DTNBP1: variants seen among roughly 807,000 people sequenced by gnomAD.
DTNBP1 encodes the protein dysbindin.
DTNBP1 carries 35 observed loss-of-function variants against 42.8 expected under a neutral mutation model. That is an observed-to-expected ratio of 0.82 (90% confidence interval 0.63 to 1.09). The LOEUF is 1.09. Ranked by LOEUF, DTNBP1 falls within the 50% of genes least tolerant of loss-of-function variation. The pLI, the probability that DTNBP1 is intolerant of heterozygous loss-of-function variation, is 0.00. For missense variants in DTNBP1, 457 were observed against 424.2 expected, an observed-to-expected ratio of 1.08 and a Z score of -0.68; for synonymous variants, 171 against 162.2, an observed-to-expected ratio of 1.05 and a Z score of -0.41.
In DTNBP1 at chr6:15,653,480, TTGC is replaced by T. The variant is rs1315341184; in HGVS notation, c.57-1343_57-1341del. On this transcript the variant is annotated intron_variant, in intron 1 of 9. Coordinates refer to ENST00000344537, the MANE Select transcript of DTNBP1 (RefSeq NM_032122.5). ...ATTCTAGCAGTCTCCTCCCCTCTAC[TTGC>T]TGCTTTTAAATTATTGCACTGGAAA... 3.9e-5 allele frequency among the ~76,000 whole-genome samples: 6 copies of T among 152,346 alleles called. No individual in the cohort carries two copies. The East Asian group carries it at 1.2e-3, about 29-fold the overall frequency.
chr6:15,605,641 T>C (rs1758004290), intron 6 of DTNBP1, among the ~76,000 whole-genome samples: 1 of 152,226 alleles, frequency 6.6e-6, no homozygotes, highest in Non-Finnish European at 1.5e-5. Flanking sequence ...CAAGCCCACT[T>C]TTCTAATTGC....
intron 3 of DTNBP1, among the ~76,000 whole-genome samples, chr6:15,639,398 T>C (rs777620529): frequency 1.2e-4 from 19 of 152,252 alleles, no homozygotes; most frequent in Non-Finnish European, 2.2e-4. Flanking sequence ...ATTCTAGCTA[T>C]CCAGCGAATA....
At chr6:15,541,742 C>T (rs528738338) in intron 7 of DTNBP1, among the ~76,000 whole-genome samples, 17 of 152,094 alleles carry the variant, frequency 1.1e-4, no homozygotes, top group Admixed American at 3.3e-4. Context: ...CCAGTGAAGA[C>T]GGAATAATCA....
intron 7 of DTNBP1, among the ~76,000 whole-genome samples, chr6:15,552,576 C>G (rs1774274802): frequency 6.6e-6 from 1 of 152,060 alleles, no homozygotes; most frequent in African/African-American, 2.4e-5. Context: ...CTGCTTGAGG[C>G]CAGGGGTTCA....
chr6:15,597,026 T>C (rs1277442839), intron 6 of DTNBP1, among the ~76,000 whole-genome samples: 2 of 152,202 alleles, frequency 1.3e-5, no homozygotes, highest in Non-Finnish European at 2.9e-5. Flanking sequence ...TTTCGTATAC[T>C]AAATATAATC....
rs138406667 is a variant in DTNBP1, at chr6:15,522,921, C to T, written c.*54G>A. 2,222 of 1,614,034 alleles carry T rather than the reference C, an allele frequency of 1.4e-3. 26 individuals carry two copies. The African/African-American group carries it at 0.025, about 18-fold the overall frequency. ...CAACCTGGCTTTCCAGGTGGAATTC[C>T]GCATACAGCCAAAACTGGATTCCAG... On this transcript the variant is annotated 3_prime_UTR_variant, in exon 10 of 10. Transcript: ENST00000344537.
chr6:15,562,818 G>C (rs1774904987), intron 7 of DTNBP1, among the ~76,000 whole-genome samples: 1 of 152,162 alleles, frequency 6.6e-6, no homozygotes, highest in Non-Finnish European at 1.5e-5. Context: ...TAATTCTCCT[G>C]GGTCCAAGCT....
At chr6:15,583,733 T>C (rs180777324) in intron 7 of DTNBP1, among the ~76,000 whole-genome samples, 2 of 152,346 alleles carry the variant, frequency 1.3e-5, no homozygotes, top group East Asian at 3.9e-4. Flanking sequence ...ATACCAAACA[T>C]TTATGATAGA....
chr6:15,523,505 A>G (rs1303994908), intron 9 of DTNBP1: 2 of 1,280,974 alleles, frequency 1.6e-6, no homozygotes, highest in Admixed American at 6.1e-5. Context: ...AGAGGCCCAA[A>G]GGCAAGTGCT....
At chr6:15,552,287 C>T (rs923561850) in intron 7 of DTNBP1, among the ~76,000 whole-genome samples, 3 of 152,236 alleles carry the variant, frequency 2.0e-5, no homozygotes, top group African/African-American at 7.2e-5. Flanking sequence ...AATACACCCT[C>T]TGAACTCCTC....
At chr6:15,590,476 C>G (rs1035607383) in intron 7 of DTNBP1, among the ~76,000 whole-genome samples, 6 of 152,202 alleles carry the variant, frequency 3.9e-5, no homozygotes, top group Non-Finnish European at 5.9e-5. Flanking sequence ...CATCCACTGG[C>G]TCTGCTTTCC....
chr6:15,616,299 C>T (rs1758711135), intron 5 of DTNBP1, among the ~76,000 whole-genome samples: 1 of 152,184 alleles, frequency 6.6e-6, no homozygotes, highest in Non-Finnish European at 1.5e-5. Context: ...AACTCAGAGC[C>T]TCATAACTAG....
chr6:15,542,903 T>C (rs1036557498), intron 7 of DTNBP1, among the ~76,000 whole-genome samples: 1 of 152,090 alleles, frequency 6.6e-6, no homozygotes, highest in African/African-American at 2.4e-5. Context: ...TTTCACCATG[T>C]TGGCCAGGCT....
At chr6:15,569,390 G>A (rs1203655336) in intron 7 of DTNBP1, among the ~76,000 whole-genome samples, 2 of 126,932 alleles carry the variant, frequency 1.6e-5, no homozygotes, top group Non-Finnish European at 3.1e-5. Context: ...CGAAATCAGC[G>A]TGAGAATGCA....
At chr6:15,524,002 A>T (rs940998450) in intron 9 of DTNBP1, 3 of 1,288,320 alleles carry the variant, frequency 2.3e-6, no homozygotes, top group Non-Finnish European at 3.0e-6. Flanking sequence ...CTGGCACCTC[A>T]GCCCATATTT....
chr6:15,638,151 G>A (rs1178146985), intron 3 of DTNBP1, among the ~76,000 whole-genome samples: 1 of 150,430 alleles, frequency 6.6e-6, no homozygotes, highest in Non-Finnish European at 1.5e-5. Flanking sequence ...TTTTTGAGAT[G>A]GAGTTTCACT....
chr6:15,549,378 G>A (rs972643035), intron 7 of DTNBP1, among the ~76,000 whole-genome samples: 8 of 151,732 alleles, frequency 5.3e-5, no homozygotes, highest in African/African-American at 1.7e-4. Flanking sequence ...CCAGCTAGTC[G>A]GGAGGCCGAG....
chr6:15,625,782 C>A (rs371183953), intron 5 of DTNBP1, among the ~76,000 whole-genome samples: 6 of 152,130 alleles, frequency 3.9e-5, no homozygotes, highest in African/African-American at 1.2e-4. Context: ...AAGAAACATA[C>A]AACCAATGAA....
At chr6:15,545,280 T>C (rs1286515221) in intron 7 of DTNBP1, among the ~76,000 whole-genome samples, 1 of 152,252 alleles carries the variant, frequency 6.6e-6, no homozygotes, top group Non-Finnish European at 1.5e-5. Context: ...AAAAGTTTTA[T>C]ATCCAGCCTT....
Sources: allele counts gnomAD v4.1 joint callset (sites outside exome capture counted in the v4.1 genomes callset), GRCh38; gene constraint gnomAD v4.1.1; transcripts MANE v1.5; gene names NCBI Gene and HGNC (gene_info 2026-07-23, HGNC 2026-07-21).